KIF25: variants seen among roughly 807,000 people sequenced by gnomAD.
The protein encoded by KIF25 is kinesin-like protein KIF25.
A neutral mutation model predicts 32.9 loss-of-function variants in KIF25; 19 were observed. That is an observed-to-expected ratio of 0.58 (90% CI 0.40 to 0.85). The LOEUF (loss-of-function observed/expected upper bound fraction) is 0.85, where lower values mean the gene tolerates loss of function less well. KIF25 is among the 40% of genes least tolerant of loss of function. KIF25 has a pLI of 0.00. For synonymous variants in KIF25, 225 were observed against 213.7 expected, an observed-to-expected ratio of 1.05 and a Z score of -0.46; for missense variants, 485 against 507.0, an observed-to-expected ratio of 0.96 and a Z score of 0.42.
At position 168,000,844 on chromosome 6, in the gene KIF25, T is replaced by C. The variant is rs73788665; in HGVS notation, c.-370+1524T>C. Among the ~76,000 whole-genome samples, 1,380 of 152,326 alleles carry C rather than the reference T, an allele frequency of 9.1e-3. 22 individuals carry two copies. Among genetic ancestry groups the C allele is most frequent in the African/African-American group, 0.032 (1,312 of 41,568 alleles). On this transcript the variant is annotated intron_variant, in intron 2 of 12. Transcript: ENST00000643607. ...TCAGGCTGTTTTTCTGGTCTTGGTTTCCTCCACTTAATCTGTCCAAATGAG... is the reference window on the plus strand; with the variant it reads ...TCAGGCTGTTTTTCTGGTCTTGGTTCCCTCCACTTAATCTGTCCAAATGAG...
chr6:168,011,553 T>C (rs573013976), intron 4 of KIF25, among the ~76,000 whole-genome samples: 1 of 152,350 alleles, frequency 6.6e-6, no homozygotes, highest in South Asian at 2.1e-4. Flanking sequence ...AAGTCTTTGC[T>C]GAGAAATCCA....
intron 10 of KIF25, among the ~76,000 whole-genome samples, chr6:168,040,991 CCA>C (rs747100997): frequency 2.6e-5 from 4 of 152,212 alleles, no homozygotes; most frequent in Non-Finnish European, 5.9e-5. Context: ...ATAGCAGACA[CCA>C]CCCATGCTCA....
At chr6:168,016,098 C>T (rs373788879) in intron 4 of KIF25, among the ~76,000 whole-genome samples, 3 of 152,060 alleles carry the variant, frequency 2.0e-5, no homozygotes, top group Non-Finnish European at 4.4e-5. Context: ...GAAAATATGC[C>T]GCGAGAAAGG....
intron 6 of KIF25, among the ~76,000 whole-genome samples, chr6:168,030,002 T>A (rs1798918824): frequency 6.6e-6 from 1 of 152,220 alleles, no homozygotes; most frequent in East Asian, 1.9e-4. Context: ...AAACCTGTCG[T>A]TCAGGAAACT....
At chr6:168,015,502 G>A (rs568168676) in intron 4 of KIF25, among the ~76,000 whole-genome samples, 8 of 152,182 alleles carry the variant, frequency 5.3e-5, no homozygotes, top group Non-Finnish European at 1.2e-4. Flanking sequence ...TGTTTCATGG[G>A]AACCTTGTGA....
chr6:168,031,444 C>A (rs532718038), intron 7 of KIF25, among the ~76,000 whole-genome samples: 2 of 152,344 alleles, frequency 1.3e-5, no homozygotes, highest in African/African-American at 4.8e-5. Context: ...GGCTTCTGCA[C>A]AGCCAACCTC....
chr6:167,999,619 C>T (rs530970724), intron 2 of KIF25, among the ~76,000 whole-genome samples: 1 of 152,144 alleles, frequency 6.6e-6, no homozygotes, highest in Non-Finnish European at 1.5e-5. Flanking sequence ...CGGGGTCCGA[C>T]CGAACAGGGA....
intron 8 of KIF25, among the ~76,000 whole-genome samples, chr6:168,038,299 G>A (rs1486959253): frequency 2.0e-5 from 3 of 152,156 alleles, no homozygotes; most frequent in Admixed American, 6.5e-5. Context: ...AATCCTCAGT[G>A]TACTGGTTGC....
chr6:168,037,559 A>G (rs1275485759), intron 8 of KIF25, among the ~76,000 whole-genome samples: 1 of 152,108 alleles, frequency 6.6e-6, no homozygotes, highest in African/African-American at 2.4e-5. Context: ...TCAGAGACAA[A>G]CCAGAAAGCC....
chr6:168,032,112 C>T (rs1798950021), intron 7 of KIF25, among the ~76,000 whole-genome samples: 1 of 151,720 alleles, frequency 6.6e-6, no homozygotes, highest in South Asian at 2.1e-4. Flanking sequence ...GTAGATGTTT[C>T]TTATCAGATG....
intron 2 of KIF25, among the ~76,000 whole-genome samples, chr6:168,001,282 G>A (rs2019832): frequency 0.32 from 49,200 of 152,172 alleles, 8,319 homozygotes; most frequent in East Asian, 0.52. Flanking sequence ...TTCTTTCAGC[G>A]TCATCTCAGT....
chr6:168,004,707 A>T (rs1433351974), intron 4 of KIF25, among the ~76,000 whole-genome samples: 2 of 152,126 alleles, frequency 1.3e-5, no homozygotes, highest in Non-Finnish European at 2.9e-5. Context: ...AAACCCTCTA[A>T]GCACTTTCTC....
At position 168,045,004 on chromosome 6, in the gene KIF25, A is replaced by G; in HGVS notation, c.*8A>G. 1.9e-6 allele frequency: 3 copies of G among 1,579,114 alleles called. No individual in the cohort carries two copies. The highest frequency in any genetic ancestry group is 2.6e-6 in the Non-Finnish European group (3 of 1,160,882). Reference sequence around the variant, plus strand: ...AAGAGGAGGCCGGATTGAATGCATTAACAAGTTTTTCTCCTAAAACTGTGT... The same window carrying G: ...AAGAGGAGGCCGGATTGAATGCATTGACAAGTTTTTCTCCTAAAACTGTGT... On this transcript the variant is annotated 3_prime_UTR_variant, in exon 13 of 13. Transcript: ENST00000643607.
At chr6:168,015,267 C>A (rs778234733) in intron 4 of KIF25, among the ~76,000 whole-genome samples, 1 of 152,100 alleles carries the variant, frequency 6.6e-6, no homozygotes, top group Non-Finnish European at 1.5e-5. Context: ...GCATGTTGCT[C>A]ACGGGTCTCC....
intron 12 of KIF25, 75 bp downstream of exon 12, chr6:168,042,791 C>G (rs973682715): frequency 5.3e-6 from 8 of 1,504,798 alleles, no homozygotes; most frequent in Non-Finnish European, 6.2e-6. Flanking sequence ...TTCTGGCCTG[C>G]ACGTCCTCGA....
At chr6:168,037,161 C>T (rs1235182712) in intron 8 of KIF25, among the ~76,000 whole-genome samples, 3 of 152,212 alleles carry the variant, frequency 2.0e-5, no homozygotes, top group Non-Finnish European at 4.4e-5. Flanking sequence ...CAGCAAACCC[C>T]AGTGCTGAAC....
chr6:168,033,500 A>AAAT (rs1491428677), intron 7 of KIF25, among the ~76,000 whole-genome samples: 8 of 53,462 alleles, frequency 1.5e-4, no homozygotes, highest in Non-Finnish European at 2.6e-4. Flanking sequence ...AATCCGTCTC[A>AAAT]AAAAAAAAAA....
At chr6:168,005,986 C>T (rs1185898025) in intron 4 of KIF25, among the ~76,000 whole-genome samples, 2 of 152,174 alleles carry the variant, frequency 1.3e-5, no homozygotes, top group Non-Finnish European at 2.9e-5. Flanking sequence ...GTTCCTGGCC[C>T]AGCAAGGGCG....
At chr6:168,016,649 TCTTAA>T (rs1798718404) in intron 4 of KIF25, among the ~76,000 whole-genome samples, 1 of 152,254 alleles carries the variant, frequency 6.6e-6, no homozygotes, top group African/African-American at 2.4e-5. Flanking sequence ...ACTCCCTCCC[TCTTAA>T]CTTTCTTTCT....
Sources: allele counts gnomAD v4.1 joint callset (sites outside exome capture counted in the v4.1 genomes callset), GRCh38; gene constraint gnomAD v4.1.1; transcripts MANE v1.5; gene names NCBI Gene and HGNC (gene_info 2026-07-23, HGNC 2026-07-21).